PMM2: variants seen among roughly 807,000 people sequenced by gnomAD.
PMM2 encodes phosphomannomutase 2.
PMM2 carries 35 observed loss-of-function variants against 33.2 expected under a neutral mutation model. The observed-to-expected ratio is 1.06, with a 90% CI of 0.81 to 1.40. The LOEUF (loss-of-function observed/expected upper bound fraction) is 1.40, where lower values mean the gene tolerates loss of function less well. PMM2 is among the 40% of genes most tolerant of loss of function. The pLI, the probability that PMM2 is intolerant of heterozygous loss-of-function variation, is 0.00. For synonymous variants in PMM2, 153 were observed against 114.7 expected (o/e 1.33, Z -2.13); for missense variants, 386 against 306.0 (o/e 1.26, Z -1.95).
At chr16:8,810,985 T>C (rs2060673953) in intron 4 of PMM2, 94 bp from the exon 5 acceptor site, 1 of 776,494 alleles carries the variant, frequency 1.3e-6, no homozygotes, top group South Asian at 1.5e-5. Context: ...TAGCCTCTGC[T>C]TTTTAGAATT....
intron 7 of PMM2, among the ~76,000 whole-genome samples, chr16:8,841,417 G>C (rs1230307271): frequency 6.7e-6 from 1 of 148,746 alleles, no homozygotes; most frequent in African/African-American, 2.5e-5. Flanking sequence ...ATCTGACTCG[G>C]GGCATGTTGA....
intron 7 of PMM2, among the ~76,000 whole-genome samples, chr16:8,844,824 G>A (rs1378353850): frequency 6.6e-6 from 1 of 152,228 alleles, no homozygotes; most frequent in Non-Finnish European, 1.5e-5. Context: ...AGATTGAAAG[G>A]AGAAAGACGG....
intron 7 of PMM2, among the ~76,000 whole-genome samples, chr16:8,814,123 G>T (rs558154228): frequency 3.9e-5 from 6 of 151,964 alleles, no homozygotes; most frequent in Non-Finnish European, 5.9e-5. Flanking sequence ...CAACTCGGCC[G>T]CTCAAAGTTC....
chr16:8,837,174 T>C (rs2060855098), intron 7 of PMM2, among the ~76,000 whole-genome samples: 1 of 151,620 alleles, frequency 6.6e-6, no homozygotes, highest in Non-Finnish European at 1.5e-5. Flanking sequence ...TTGGGACGAG[T>C]TGCACTGGGC....
rs2060941721 is a variant in PMM2, at chr16:8,848,205, A to T, written c.*380A>T. 8.2e-6 allele frequency: 2 copies of T among 244,754 alleles called. No individual in the cohort carries two copies. Among genetic ancestry groups the T allele is most frequent in the African/African-American group, 4.5e-5 (2 of 44,634 alleles). 15.2% of individuals were successfully genotyped at this position (244,754 alleles called of 1,614,324 possible). A position where few individuals can be genotyped will look rare whatever the true frequency, so the allele number is the denominator to read the frequency against. On this transcript the variant is annotated 3_prime_UTR_variant, in exon 8 of 8. Coordinates refer to ENST00000268261, the MANE Select transcript of PMM2 (RefSeq NM_000303.3). ...CCTCTTGGTGGGTCTGTGGAAACAT[A>T]AGCGGTTTTTTTAATGGGCCCCTGC...
chr16:8,805,881 C>A (rs901296434), intron 3 of PMM2, among the ~76,000 whole-genome samples: 1 of 152,126 alleles, frequency 6.6e-6, no homozygotes, highest in Admixed American at 6.5e-5. Context: ...TGAGCTGCCA[C>A]GCCTGGGCAC....
chr16:8,806,739 G>A (rs150738721), intron 4 of PMM2: 58 of 348,136 alleles, frequency 1.7e-4, no homozygotes, highest in African/African-American at 1.1e-3. Context: ...GAATGATTAC[G>A]TAAATGATGG....
intron 7 of PMM2, among the ~76,000 whole-genome samples, chr16:8,834,281 T>C (rs1305109210): frequency 1.3e-5 from 2 of 152,092 alleles, no homozygotes; most frequent in Non-Finnish European, 2.9e-5. Flanking sequence ...TTGAGGACTG[T>C]AAGGGATATG....
Position 8,847,796 on chromosome 16 carries a change from C to CT in PMM2, c.712_713insT (p.Arg238LeufsTer5), listed in dbSNP as rs1567172059. ...CTCCGTGACAGCGCCTGAGGACACG[C>CT]GCAGGATCTGTGAACTGCTGTTCTC... On this transcript the variant is annotated frameshift_variant, in exon 8 of 8. Coordinates refer to ENST00000268261, the MANE Select transcript of PMM2 (RefSeq NM_000303.3). LOFTEE classifies it high-confidence loss of function. 1 of 1,613,750 alleles carries CT rather than the reference C, an allele frequency of 6.2e-7. No homozygotes were observed. The highest frequency in any genetic ancestry group is 1.1e-5 in the South Asian group (1 of 91,078).
chr16:8,809,755 G>T (rs569704764), intron 4 of PMM2: 1 of 152,106 alleles, frequency 6.6e-6, no homozygotes, highest in South Asian at 2.1e-4. Context: ...ACTGTTTTCA[G>T]ACTCAAACTG....
intron 2 of PMM2, among the ~76,000 whole-genome samples, chr16:8,804,031 GTTTTTTT>G (rs752484926): frequency 1.5e-3 from 132 of 87,482 alleles, no homozygotes; most frequent in Non-Finnish European, 2.5e-3. Flanking sequence ...GGTTTTTTTT[GTTTTTTT>G]TTTTTTTTTT....
chr16:8,817,460 G>C (rs1452935512), intron 7 of PMM2, among the ~76,000 whole-genome samples: 1 of 152,216 alleles, frequency 6.6e-6, no homozygotes, highest in East Asian at 1.9e-4. Flanking sequence ...AGATTGTTCT[G>C]TAATGATGAC....
intron 7 of PMM2, among the ~76,000 whole-genome samples, chr16:8,843,584 G>T (rs1294796822): frequency 6.6e-6 from 1 of 152,150 alleles, no homozygotes; most frequent in Non-Finnish European, 1.5e-5. Flanking sequence ...ACGCCTGGCC[G>T]CTGCGGTTCA....
At chr16:8,811,297 C>G (rs2060676476) in intron 5 of PMM2, 119 bp downstream of exon 5, 13 of 758,528 alleles carry the variant, frequency 1.7e-5, no homozygotes, top group Non-Finnish European at 2.7e-5. Flanking sequence ...AGGAGGATCA[C>G]TTGAGCCCAG....
chr16:8,802,932 A>G (rs1413149689), intron 2 of PMM2, among the ~76,000 whole-genome samples: 1 of 152,074 alleles, frequency 6.6e-6, no homozygotes, highest in Non-Finnish European at 1.5e-5. Flanking sequence ...GCTCCTCTAG[A>G]GCAAGATTTC....
chr16:8,808,425 G>T (rs2060658678), intron 4 of PMM2: 1 of 152,020 alleles, frequency 6.6e-6, no homozygotes, highest in Non-Finnish European at 1.5e-5. Flanking sequence ...TTTAGCGAGG[G>T]AGAGGGATGT....
intron 7 of PMM2, chr16:8,832,749 C>G (rs1207327107): frequency 2.0e-6 from 2 of 985,114 alleles, no homozygotes; most frequent in African/African-American, 1.7e-5. Context: ...GGCGGCTACC[C>G]GTGAAATCCC....
At chr16:8,805,406 TA>T (rs2060641678) in intron 3 of PMM2, among the ~76,000 whole-genome samples, 2 of 151,952 alleles carry the variant, frequency 1.3e-5, no homozygotes, top group Non-Finnish European at 2.9e-5. Flanking sequence ...CTTGCTGTGT[TA>T]ACCAGGCTGG....
intron 4 of PMM2, among the ~76,000 whole-genome samples, chr16:8,807,227 G>T (rs143439378): frequency 2.3e-4 from 34 of 147,262 alleles, no homozygotes; most frequent in African/African-American, 8.3e-4. Flanking sequence ...GGCTGATATC[G>T]AACTCCCAAC....
Sources: gnomAD v4.1 joint callset for allele counts (sites outside exome capture counted in the v4.1 genomes callset) on GRCh38, gnomAD v4.1.1 for gene constraint, MANE v1.5 for transcripts, NCBI Gene and HGNC (gene_info 2026-07-23, HGNC 2026-07-21) for gene names.